Variants in PPP2R2C observed in about 807,000 individuals in gnomAD.
PPP2R2C encodes protein phosphatase 2 regulatory subunit Bgamma.
Under a neutral mutation model 45.3 loss-of-function variants are expected in PPP2R2C, and 10 were observed. That is an observed-to-expected ratio of 0.22 (90% confidence interval 0.14 to 0.37). The LOEUF is 0.37. PPP2R2C is among the 10% of genes least tolerant of loss of function. PPP2R2C has a pLI of 1.00. For synonymous variants in PPP2R2C, 257 were observed against 245.4 expected (o/e 1.05, Z -0.44); for missense variants, 308 against 619.7 (o/e 0.50, Z 5.34).
At chr4:6,426,060 C>G (rs1333163286) in intron 1 of PPP2R2C, among the ~76,000 whole-genome samples, 1 of 152,172 alleles carries the variant, frequency 6.6e-6, no homozygotes, top group African/African-American at 2.4e-5. Context: ...ATCCAAGGAG[C>G]AGGTGGGCTG....
At chr4:6,410,764 G>A (rs1226847300) in intron 1 of PPP2R2C, among the ~76,000 whole-genome samples, 1 of 152,004 alleles carries the variant, frequency 6.6e-6, no homozygotes, top group African/African-American at 2.4e-5. Context: ...CGTGTGCAGC[G>A]CCAAAGTCCT....
At chr4:6,363,715 C>T (rs558112221) in intron 5 of PPP2R2C, among the ~76,000 whole-genome samples, 1 of 152,242 alleles carries the variant, frequency 6.6e-6, no homozygotes, top group South Asian at 2.1e-4. Flanking sequence ...GACCTTGTGT[C>T]ATGCTAGCAG....
chr4:6,530,619 G>A (rs1266431002), intron 2 of PPP2R2C, among the ~76,000 whole-genome samples: 1 of 152,174 alleles, frequency 6.6e-6, no homozygotes, highest in Non-Finnish European at 1.5e-5. Flanking sequence ...CTGGACTGCT[G>A]GGCTGGGACC....
chr4:6,381,665 T>C, intron 1 of PPP2R2C: 2 of 1,513,334 alleles, frequency 1.3e-6, no homozygotes, highest in Non-Finnish European at 8.8e-7. Context: ...CTCTAATCTC[T>C]GCTCGCAGAA....
At chr4:6,498,535 A>G (rs183518385) in intron 2 of PPP2R2C, among the ~76,000 whole-genome samples, 45 of 152,382 alleles carry the variant, frequency 3.0e-4, no homozygotes, top group Admixed American at 2.7e-3. Flanking sequence ...AGGATTAAAA[A>G]AATAGCAATG....
At chr4:6,495,084 C>T (rs1299221764) in intron 2 of PPP2R2C, among the ~76,000 whole-genome samples, 1 of 152,204 alleles carries the variant, frequency 6.6e-6, no homozygotes, top group Non-Finnish European at 1.5e-5. Context: ...CAGCTGAGGG[C>T]CCTGCCTCTC....
At position 6,330,410 on chromosome 4, in the gene PPP2R2C, G is replaced by C. The variant is rs1322553355; in HGVS notation, c.961-1057C>G. The stretch of plus-strand genomic sequence containing the variant: ...CTGGGCCAAGGTACCCAGATACTTG[G>C]TGTTTCTGTGAAGACATTTTGTAGG... On this transcript the variant is annotated intron_variant, in intron 7 of 8. Coordinates refer to ENST00000382599, the MANE Select transcript of PPP2R2C (RefSeq NM_020416.4). This position sits in a 1 kb window ranked among gnomAD's most constrained non-coding sequence, Gnocchi z 7.0. 6.6e-6 allele frequency among the ~76,000 whole-genome samples: 1 copy of C among 152,208 alleles called. No homozygotes were observed. The highest frequency in any genetic ancestry group is 1.5e-5 in the Non-Finnish European group (1 of 68,036).
At chr4:6,418,882 G>C (rs28654333) in intron 1 of PPP2R2C, among the ~76,000 whole-genome samples, 2,441 of 151,658 alleles carry the variant, frequency 0.016, 86 homozygotes, top group African/African-American at 0.057. Flanking sequence ...CCTGGTTCTG[G>C]GGAGTAAAGT....
At chr4:6,404,265 C>T (rs979725755) in intron 1 of PPP2R2C, among the ~76,000 whole-genome samples, 1 of 152,150 alleles carries the variant, frequency 6.6e-6, no homozygotes, top group Non-Finnish European at 1.5e-5. Flanking sequence ...GCTGAAGGTG[C>T]CTTGATGTCC....
At chr4:6,376,854 C>T (rs979671110) in intron 3 of PPP2R2C, among the ~76,000 whole-genome samples, 2 of 152,216 alleles carry the variant, frequency 1.3e-5, no homozygotes, top group African/African-American at 4.8e-5. Context: ...CTCTCATGCT[C>T]TGCTGGCTCA....
intron 4 of PPP2R2C, among the ~76,000 whole-genome samples, chr4:6,373,362 G>A (rs1715020948): frequency 6.6e-6 from 1 of 152,210 alleles, no homozygotes. Context: ...TTACAGCGGT[G>A]GAGTTAGCCT....
At chr4:6,403,072 G>A (rs1400916166) in intron 1 of PPP2R2C, among the ~76,000 whole-genome samples, 1 of 152,216 alleles carries the variant, frequency 6.6e-6, no homozygotes, top group Non-Finnish European at 1.5e-5. Flanking sequence ...GGCCAGAAGG[G>A]GCCACTTTGG....
chr4:6,411,201 G>A (rs1176739999), intron 1 of PPP2R2C, among the ~76,000 whole-genome samples: 2 of 152,054 alleles, frequency 1.3e-5, no homozygotes, highest in South Asian at 2.1e-4. Context: ...TGAATAAATG[G>A]AGGGCCAGAG....
rs1210846123 is a variant in PPP2R2C at position 6,375,809 on chromosome 4, C to T, written c.447+10G>A. Reference sequence around the variant, plus strand: ...AGGCGTGTGCCTGCTTCCCCCTCACCGGAGCTCACCTGCAGTGACGTCACC... The same window carrying T: ...AGGCGTGTGCCTGCTTCCCCCTCACTGGAGCTCACCTGCAGTGACGTCACC... On this transcript the variant is annotated intron_variant, in intron 4 of 8. Transcript: ENST00000382599. 17 of 1,597,062 alleles carry T rather than the reference C, an allele frequency of 1.1e-5. No individual in the cohort carries two copies. The highest frequency in any genetic ancestry group is 4.5e-5 in the South Asian group (4 of 89,284).
At chr4:6,347,806 C>T in intron 6 of PPP2R2C, 40 bp downstream of exon 6, 1 of 896,396 alleles carries the variant, frequency 1.1e-6, no homozygotes, top group Non-Finnish European at 1.7e-6. Flanking sequence ...CGCCCGCCTG[C>T]CCAATGCACA....
intron 1 of PPP2R2C, among the ~76,000 whole-genome samples, chr4:6,549,702 G>A (rs939643899): frequency 4.6e-5 from 7 of 152,302 alleles, no homozygotes; most frequent in Middle Eastern, 6.8e-3. Context: ...GGAGGATAAC[G>A]GGAGGCACCT....
chr4:6,512,964 C>T (rs1723717929), intron 2 of PPP2R2C, among the ~76,000 whole-genome samples: 2 of 152,030 alleles, frequency 1.3e-5, no homozygotes, highest in Non-Finnish European at 2.9e-5. Flanking sequence ...AGCTGGTCCA[C>T]ATATCAGGAT....
At chr4:6,423,320 C>T (rs985231936) in intron 1 of PPP2R2C, among the ~76,000 whole-genome samples, 18 of 152,354 alleles carry the variant, frequency 1.2e-4, no homozygotes, top group Admixed American at 2.6e-4. Flanking sequence ...TCTCCTGCCT[C>T]AGCCTCCCAA....
rs1732220704 is a variant in PPP2R2C, at chr4:6,329,407, C to G, written c.961-54G>C. 9 of 1,496,746 alleles carry G rather than the reference C, an allele frequency of 6.0e-6. No homozygotes were observed. The highest frequency in any genetic ancestry group is 8.4e-6 in the Non-Finnish European group (9 of 1,074,916). 92.7% of individuals were successfully genotyped at this position (1,496,746 alleles called of 1,614,324 possible). A position where few individuals can be genotyped will look rare whatever the true frequency, so the allele number is the denominator to read the frequency against. On this transcript the variant is annotated intron_variant, in intron 7 of 8. Coordinates refer to ENST00000382599, the MANE Select transcript of PPP2R2C (RefSeq NM_020416.4). This position sits in a 1 kb window ranked among gnomAD's most constrained non-coding sequence, Gnocchi z 5.8. ...ACGGGGCGTCCCGACCATCCTGGCC[C>G]TTCCACAAGAAGGGTCTCAAAGAGC...
Sources: allele counts gnomAD v4.1 joint callset (sites outside exome capture counted in the v4.1 genomes callset), GRCh38; gene constraint gnomAD v4.1.1; non-coding constraint Gnocchi (gnomAD v3.1); transcripts MANE v1.5; gene names NCBI Gene and HGNC (gene_info 2026-07-23, HGNC 2026-07-21).